TAFA1: variants seen among roughly 807,000 people sequenced by gnomAD.
TAFA1 encodes chemokine-like protein TAFA-1.
Under a neutral mutation model 18.5 loss-of-function variants are expected in TAFA1, and 4 were observed. That is an observed-to-expected ratio of 0.22 (90% CI 0.11 to 0.49). The LOEUF is 0.49. Ranked by LOEUF, TAFA1 falls within the 20% of genes least tolerant of loss-of-function variation. TAFA1 has a pLI of 0.98. For synonymous variants in TAFA1, 56 were observed against 55.2 expected (o/e 1.01, Z -0.06); for missense variants, 147 against 169.0 (o/e 0.87, Z 0.72).
At chr3:68,072,939 G>T (rs2064775089) in intron 2 of TAFA1, among the ~76,000 whole-genome samples, 2 of 152,258 alleles carry the variant, frequency 1.3e-5, no homozygotes, top group South Asian at 4.1e-4. Context: ...GTAGTCTTCA[G>T]CATTAATTAG....
At chr3:68,414,027 G>C (rs902423844) in intron 2 of TAFA1, among the ~76,000 whole-genome samples, 6 of 152,056 alleles carry the variant, frequency 3.9e-5, no homozygotes, top group Non-Finnish European at 7.4e-5. Context: ...CAAATCGGCT[G>C]GGCACGGTGG....
At chr3:68,341,455 C>A (rs262208) in intron 2 of TAFA1, among the ~76,000 whole-genome samples, 2 of 152,028 alleles carry the variant, frequency 1.3e-5, no homozygotes, top group African/African-American at 4.8e-5. Flanking sequence ...GTTATTCCCA[C>A]GAGCAATTTG....
intron 2 of TAFA1, among the ~76,000 whole-genome samples, chr3:68,153,790 A>G (rs1346298444): frequency 6.6e-6 from 1 of 152,116 alleles, no homozygotes; most frequent in Non-Finnish European, 1.5e-5. Flanking sequence ...AGAACAATCC[A>G]TGGTAAGAAA....
intron 2 of TAFA1, chr3:68,250,697 G>A (rs1456243174): frequency 1.3e-5 from 2 of 151,512 alleles, no homozygotes; most frequent in East Asian, 1.9e-4. Context: ...AATTACTTGA[G>A]CGGGGATTTA....
At chr3:68,380,204 T>C (rs1423811027) in intron 2 of TAFA1, among the ~76,000 whole-genome samples, 4 of 152,190 alleles carry the variant, frequency 2.6e-5, no homozygotes, top group Non-Finnish European at 5.9e-5. Context: ...ACTTTGCTAT[T>C]GTGAATACTG....
chr3:68,524,211 G>T (rs967711870), intron 3 of TAFA1, among the ~76,000 whole-genome samples: 3 of 152,076 alleles, frequency 2.0e-5, no homozygotes, highest in African/African-American at 4.8e-5. Context: ...CCTCAGCTGG[G>T]GTAGCTACTC....
At chr3:68,424,363 G>A (rs1454696871) in intron 3 of TAFA1, among the ~76,000 whole-genome samples, 1 of 152,016 alleles carries the variant, frequency 6.6e-6, no homozygotes, top group African/African-American at 2.4e-5. Context: ...AGTTAATAAA[G>A]AAATGCTTAG....
chr3:68,438,759 C>T (rs2071310392), intron 3 of TAFA1, among the ~76,000 whole-genome samples: 1 of 152,136 alleles, frequency 6.6e-6, no homozygotes, highest in Non-Finnish European at 1.5e-5. Context: ...TTGTTTTCTG[C>T]AAGCCTGCAG....
At chr3:68,252,215 C>T (rs1340944569) in intron 2 of TAFA1, among the ~76,000 whole-genome samples, 3 of 152,132 alleles carry the variant, frequency 2.0e-5, no homozygotes, top group Non-Finnish European at 4.4e-5. Flanking sequence ...TGTAACCCTT[C>T]TTTTCCATTG....
intron 2 of TAFA1, among the ~76,000 whole-genome samples, chr3:68,278,240 T>C (rs993090469): frequency 2.0e-5 from 3 of 152,170 alleles, no homozygotes; most frequent in African/African-American, 7.2e-5. Flanking sequence ...TGGTAATGTT[T>C]CCTAACTTTT....
At chr3:68,539,000 A>G (rs968267773) in intron 4 of TAFA1, 120 bp downstream of exon 4, 1 of 1,046,824 alleles carries the variant, frequency 9.6e-7, no homozygotes, top group Non-Finnish European at 1.4e-6. Context: ...ACTGACAGAA[A>G]GCATTCTGAA....
At chr3:68,426,943 C>A (rs181995429) in intron 3 of TAFA1, among the ~76,000 whole-genome samples, 1 of 151,706 alleles carries the variant, frequency 6.6e-6, no homozygotes, top group African/African-American at 2.4e-5. Context: ...AGATTTAATG[C>A]GTATACTTGG....
At chr3:68,512,709 T>C (rs765998411) in intron 3 of TAFA1, among the ~76,000 whole-genome samples, 13 of 151,886 alleles carry the variant, frequency 8.6e-5, no homozygotes, top group Non-Finnish European at 1.3e-4. Flanking sequence ...TGTTTGTTTG[T>C]TTGTTTGTTT....
At chr3:68,517,643 G>A (rs1029064985) in intron 3 of TAFA1, among the ~76,000 whole-genome samples, 1 of 152,086 alleles carries the variant, frequency 6.6e-6, no homozygotes, top group African/African-American at 2.4e-5. Flanking sequence ...CCTGTCAAAC[G>A]AACTAATTCA....
At chr3:68,065,214 C>T (rs1056350120) in intron 2 of TAFA1, among the ~76,000 whole-genome samples, 12 of 152,186 alleles carry the variant, frequency 7.9e-5, no homozygotes, top group Non-Finnish European at 5.9e-5. Flanking sequence ...TATTGGGGCA[C>T]AGCTTCTCAG....
chr3:68,112,985 A>C (rs6774468), intron 2 of TAFA1, among the ~76,000 whole-genome samples: 54,127 of 151,996 alleles, frequency 0.36, 10,041 homozygotes, highest in East Asian at 0.49. Context: ...AATTATTCTC[A>C]AATTAATTTT....
intron 2 of TAFA1, among the ~76,000 whole-genome samples, chr3:68,212,237 A>G (rs1335682818): frequency 6.6e-6 from 1 of 151,790 alleles, no homozygotes; most frequent in African/African-American, 2.4e-5. Context: ...GACCCGAAAA[A>G]AAAAAAATTA....
intron 3 of TAFA1, among the ~76,000 whole-genome samples, chr3:68,450,907 C>T (rs1371733043): frequency 1.3e-5 from 2 of 152,192 alleles, no homozygotes; most frequent in Non-Finnish European, 2.9e-5. Context: ...TCATTTGAAA[C>T]TACAATCTTA....
At chr3:68,449,890 G>T (rs1030255585) in intron 3 of TAFA1, among the ~76,000 whole-genome samples, 1 of 152,202 alleles carries the variant, frequency 6.6e-6, no homozygotes. Flanking sequence ...CAAGAAAAAC[G>T]GAAAAGATAT....
Sources: allele counts gnomAD v4.1 joint callset (sites outside exome capture counted in the v4.1 genomes callset), GRCh38; gene constraint gnomAD v4.1.1; transcripts MANE v1.5; gene names NCBI Gene and HGNC (gene_info 2026-07-23, HGNC 2026-07-21).